The following COL18A1 variants were observed in gnomAD, a reference collection of about 807,000 sequenced individuals.
COL18A1 encodes collagen type XVIII alpha 1 chain.
COL18A1 carries 133 observed loss-of-function variants against 168.0 expected under a neutral mutation model. The ratio of observed to expected loss-of-function variants is 0.79; its 90% CI spans 0.69 to 0.91. The LOEUF (loss-of-function observed/expected upper bound fraction) is 0.91. Among genes scored for constraint, COL18A1 ranks in the 40% least tolerant of loss-of-function variants. The pLI, the probability that COL18A1 is intolerant of heterozygous loss-of-function variation, is 0.00. For missense variants in COL18A1, 2,126 were observed against 1,925.4 expected, an observed-to-expected ratio of 1.10 and a Z score of -1.95; for synonymous variants, 949 against 809.0, an observed-to-expected ratio of 1.17 and a Z score of -2.94.
At position 45,443,881 on chromosome 21, in the gene COL18A1, G is replaced by C. The variant is rs780848762; in HGVS notation, c.107-24361G>C. ...TCCGAGGGACACTGGACATCTGGTG[G>C]CCCTCCAGACTCCTAGGAAGGGGAC... On this transcript the variant is annotated intron_variant, in intron 2 of 41. Coordinates refer to ENST00000651438, the MANE Select transcript of COL18A1 (RefSeq NM_001379500.1). This position sits in a 1 kb window ranked among gnomAD's most constrained non-coding sequence, Gnocchi z 5.2. Among the ~76,000 whole-genome samples the C allele has an allele frequency of 6.6e-6, 1 of 152,168 alleles. No homozygotes were observed. Among genetic ancestry groups the C allele is most frequent in the Non-Finnish European group, 1.5e-5 (1 of 68,016 alleles).
rs762756737 is a variant in COL18A1 at position 45,496,567 on chromosome 21, A to G, written c.2576A>G (p.Asn859Ser). The G allele has an allele frequency of 1.9e-5, 27 of 1,446,530 alleles. No individual in the cohort carries two copies. The highest frequency in any genetic ancestry group is 5.7e-5 in the South Asian group (5 of 87,910). The allele number at this position is 1,446,530 out of a possible 1,614,324, so 89.6% of individuals were successfully genotyped here. The change falls in exon 30 of 42, where the codon AAT becomes AGT. Residue 859 changes from asparagine (N) to serine (S), a missense_variant and splice_region_variant. Transcript: ENST00000651438. The part of the protein sequence containing the change: ...GPPGTPVYDS[N>S]VFAESSRPGP... ...CCAGGGACTCCTGTTTACGACAGCA[A>G]TGTAAGTCCCCAGGGCACCCACTGT...
At chr21:45,439,040 G>A (rs1368358500) in intron 2 of COL18A1, among the ~76,000 whole-genome samples, 4 of 152,234 alleles carry the variant, frequency 2.6e-5, no homozygotes, top group South Asian at 2.1e-4. Flanking sequence ...AAAGGCTGTC[G>A]GAGGTGCAGG....
Position 45,505,160 on chromosome 21 carries a change from C to T in COL18A1, c.2895C>T (p.Gly965=). 8 of 1,607,958 alleles carry T rather than the reference C, an allele frequency of 5.0e-6. No homozygotes were observed. Among genetic ancestry groups the T allele is most frequent in the Non-Finnish European group, 6.8e-6 (8 of 1,178,140 alleles). ...IPGPKGESIR[G]QPGPPGPQGP... ...GTCCCAAGGGAGAGAGCATCCGGGG[C>T]CAGCCCGGCCCACCTGGACCTCAGG... is the stretch of plus-strand genomic sequence containing the variant. Residue 965 remains glycine (G), a synonymous_variant, in exon 35 of 42, where the codon GGC becomes GGT. Transcript: ENST00000651438.
chr21:45,435,818 C>T (rs1020800635), intron 2 of COL18A1, among the ~76,000 whole-genome samples: 20 of 152,298 alleles, frequency 1.3e-4, no homozygotes, highest in African/African-American at 4.6e-4. Context: ...CGGAGGGTGT[C>T]GGCCTCCTCT....
intron 2 of COL18A1, among the ~76,000 whole-genome samples, chr21:45,411,277 T>TC (rs1366231399): frequency 6.6e-6 from 1 of 152,144 alleles, no homozygotes; most frequent in East Asian, 1.9e-4. Context: ...ACCTCTTCCA[T>TC]GCTGGGGCTA....
intron 2 of COL18A1, among the ~76,000 whole-genome samples, chr21:45,441,755 C>G (rs773110313): frequency 6.6e-6 from 1 of 152,234 alleles, no homozygotes; most frequent in Non-Finnish European, 1.5e-5. Context: ...TCTCACCTGT[C>G]CCCCTCAGAC....
chr21:45,503,454 C>T (rs1256491451), intron 32 of COL18A1, among the ~76,000 whole-genome samples: 2 of 151,878 alleles, frequency 1.3e-5, no homozygotes, highest in East Asian at 3.9e-4. Flanking sequence ...TACTACGCAG[C>T]CATAAAAAAT....
At chr21:45,484,451 ATG>A (rs1057031756) in intron 15 of COL18A1, among the ~76,000 whole-genome samples, 3 of 147,898 alleles carry the variant, frequency 2.0e-5, no homozygotes, top group African/African-American at 7.6e-5. Context: ...CCTCTCCAGC[ATG>A]TGTGCACACA....
chr21:45,509,752 C>T, intron 39 of COL18A1, 151 bp downstream of exon 39: 1 of 701,704 alleles, frequency 1.4e-6, no homozygotes, highest in Non-Finnish European at 2.6e-6. Context: ...GGCGGCTTGG[C>T]TGGCCCTGGG....
chr21:45,439,191 C>T (rs149987492), intron 2 of COL18A1, among the ~76,000 whole-genome samples: 97 of 152,376 alleles, frequency 6.4e-4, no homozygotes, highest in Middle Eastern at 3.4e-3. Flanking sequence ...AATCAGCAAA[C>T]GTGTTCCTTG....
At chr21:45,482,048 G>T in intron 14 of COL18A1, 23 bp downstream of exon 14, 1 of 1,603,850 alleles carries the variant, frequency 6.2e-7, no homozygotes, top group East Asian at 2.2e-5. Context: ...TCGAGTCCAG[G>T]GTGAGTGGGA....
chr21:45,449,816 C>T (rs1221300413), intron 2 of COL18A1, among the ~76,000 whole-genome samples: 3 of 152,146 alleles, frequency 2.0e-5, no homozygotes, highest in African/African-American at 4.8e-5. Flanking sequence ...GGGTTGTGCC[C>T]GGTGGCCAGG....
intron 2 of COL18A1, chr21:45,456,946 G>T (rs1464684847): frequency 4.7e-6 from 6 of 1,264,984 alleles, no homozygotes. Context: ...TGTGGGCGGG[G>T]CTGACGTGAG....
At chr21:45,496,287 G>C (rs1395572031) in intron 29 of COL18A1, 1 of 711,590 alleles carries the variant, frequency 1.4e-6, no homozygotes. Context: ...GGACGTCTGT[G>C]CACGACTCCA....
At position 45,463,751 on chromosome 21, in the gene COL18A1, G is replaced by A. The variant is rs2035114417; in HGVS notation, c.107-4491G>A. Among the ~76,000 whole-genome samples, 1 of 152,150 alleles carries A rather than the reference G, an allele frequency of 6.6e-6. No homozygotes were observed. Among genetic ancestry groups the A allele is most frequent in the Non-Finnish European group, 1.5e-5 (1 of 68,048 alleles). On this transcript the variant is annotated intron_variant, in intron 2 of 41. Coordinates refer to ENST00000651438, the MANE Select transcript of COL18A1 (RefSeq NM_001379500.1). This position sits in a 1 kb window ranked among gnomAD's most constrained non-coding sequence, Gnocchi z 4.0. ...CATCTCTACTAACAATACAAAATTA[G>A]CTGGGTATGGTGGTGCATGCCTGTA...
intron 2 of COL18A1, among the ~76,000 whole-genome samples, chr21:45,438,888 GAC>G (rs2034292912): frequency 6.6e-6 from 1 of 152,200 alleles, no homozygotes; most frequent in Non-Finnish European, 1.5e-5. Flanking sequence ...TCCAGATGGC[GAC>G]CCGGGGCTCC....
In COL18A1 at chr21:45,456,845, G is replaced by T. The variant is rs576722048; in HGVS notation, c.107-11397G>T. On this transcript the variant is annotated intron_variant, in intron 2 of 41. Transcript: ENST00000651438. ...CGCCTGTGCCTCGCTCCCGACCCAGGAGGATGGGTACTGTGTGCTCATTGG... is the reference window on the plus strand; with the variant it reads ...CGCCTGTGCCTCGCTCCCGACCCAGTAGGATGGGTACTGTGTGCTCATTGG... The T allele has an allele frequency of 5.6e-5, 85 of 1,508,704 alleles. No homozygotes were observed. Among genetic ancestry groups the T allele is most frequent in the Middle Eastern group, 3.4e-4 (2 of 5,822 alleles). The allele number at this position is 1,508,704 out of a possible 1,614,324, so 93.5% of individuals were successfully genotyped here. A position where few individuals can be genotyped will look rare whatever the true frequency, so the allele number is the denominator to read the frequency against.
chr21:45,442,692 G>C (rs1466499748), intron 2 of COL18A1, among the ~76,000 whole-genome samples: 4 of 120,898 alleles, frequency 3.3e-5, no homozygotes, highest in African/African-American at 1.6e-4. Flanking sequence ...CGGTGGTGGT[G>C]CTGGTGTGGG....
chr21:45,495,424 G>T lies in COL18A1; in HGVS notation c.2500G>T (p.Gly834Cys). ...GCCGGGAGATGCCAGCCTTGGATTTGGCATGAGGGTGAGTGTCTCTCAAGG... is the reference window on the plus strand; with the variant it reads ...GCCGGGAGATGCCAGCCTTGGATTTTGCATGAGGGTGAGTGTCTCTCAAGG... ...GEPGDASLGF[G>C]MRGMPGPPGP... The change falls in exon 29 of 42, where the codon GGC becomes TGC. Residue 834 changes from glycine (G) to cysteine (C), a missense_variant. Gly to Cys is a radical substitution (Grantham distance 159). Transcript: ENST00000651438. The T allele has an allele frequency of 1.9e-6, 3 of 1,609,622 alleles. No homozygotes were observed. The highest frequency in any genetic ancestry group is 2.5e-6 in the Non-Finnish European group (3 of 1,177,876).
Sources: gnomAD v4.1 joint callset for allele counts (sites outside exome capture counted in the v4.1 genomes callset) on GRCh38, gnomAD v4.1.1 for gene constraint, Gnocchi (gnomAD v3.1) non-coding constraint, MANE v1.5 for transcripts, NCBI Gene and HGNC (gene_info 2026-07-23, HGNC 2026-07-21) for gene names.